Variants in MCF2L observed in about 807,000 individuals in gnomAD.
MCF2L encodes guanine nucleotide exchange factor DBS.
A neutral mutation model predicts 153.4 loss-of-function variants in MCF2L; 97 were observed. The ratio of observed to expected loss-of-function variants is 0.63; its 90% CI spans 0.54 to 0.75. The LOEUF is 0.75. Among genes scored for constraint, MCF2L ranks in the 30% least tolerant of loss-of-function variants. The pLI is 0.00. For synonymous variants in MCF2L, 659 were observed against 632.2 expected, an observed-to-expected ratio of 1.04 and a Z score of -0.64; for missense variants, 1,347 against 1,495.2, an observed-to-expected ratio of 0.90 and a Z score of 1.64.
chr13:112,917,940 C>T (rs2081312297), intron 2 of MCF2L, among the ~76,000 whole-genome samples: 1 of 152,234 alleles, frequency 6.6e-6, no homozygotes, highest in Non-Finnish European at 1.5e-5. Context: ...CCTTTCAGGA[C>T]ACCTTCAGGG....
rs375178866 is a variant in MCF2L, at chr13:113,046,523, C to T, written c.369+1162C>T. 8 of 528,736 alleles carry T rather than the reference C, an allele frequency of 1.5e-5. No individual in the cohort carries two copies. Among genetic ancestry groups the T allele is most frequent in the Admixed American group, 3.9e-5 (2 of 50,904 alleles). The allele number at this position is 528,736 out of a possible 1,614,324, so 32.8% of individuals were successfully genotyped here. On this transcript the variant is annotated intron_variant, in intron 4 of 29. Transcript: ENST00000535094. This position sits in a 1 kb window ranked among gnomAD's most constrained non-coding sequence, Gnocchi z 4.4. ...GCCTCTCGGTGGCTGCTGGCTGGTG[C>T]GCCAAGGTTTGAGGTATACTGAAAA...
chr13:113,013,478 AGG>A (rs1237969808), intron 1 of MCF2L, among the ~76,000 whole-genome samples: 1 of 152,154 alleles, frequency 6.6e-6, no homozygotes, highest in African/African-American at 2.4e-5. Context: ...ACGGCCCAGG[AGG>A]GGCCCCTTTG....
At chr13:112,996,694 G>A (rs143181150) in intron 1 of MCF2L, among the ~76,000 whole-genome samples, 4 of 152,322 alleles carry the variant, frequency 2.6e-5, no homozygotes, top group East Asian at 1.9e-4. Context: ...CGAGACTGTC[G>A]TCCTCAGATG....
chr13:112,976,187 T>TGC (rs1346533160), intron 1 of MCF2L, among the ~76,000 whole-genome samples: 3,941 of 139,914 alleles, frequency 0.028, 197 homozygotes, highest in African/African-American at 0.094. Flanking sequence ...TGTGTGTGTG[T>TGC]GTGCGTGTGT....
At chr13:112,899,238 T>C (rs9577398) in intron 1 of MCF2L, among the ~76,000 whole-genome samples, 3,278 of 152,290 alleles carry the variant, frequency 0.022, 71 homozygotes, top group East Asian at 0.075. Flanking sequence ...TGTGTGTGTG[T>C]GCGAGGCGCC....
chr13:112,979,513 T>G (rs2082326134), intron 1 of MCF2L: 3 of 1,468,976 alleles, frequency 2.0e-6, no homozygotes, highest in Non-Finnish European at 1.8e-6. Flanking sequence ...CCTGAGCACC[T>G]GTCTCTTGTG....
At position 112,969,598 on chromosome 13, in the gene MCF2L, G is replaced by A; in HGVS notation, c.79+140G>A. On this transcript the variant is annotated intron_variant, in intron 1 of 29. Transcript: ENST00000535094. The surrounding 1 kb of genome is among the most constrained non-coding windows in gnomAD (Gnocchi z 4.8). ...GGTAGCTGTGACATGGGGGGCACTG[G>A]TTGGCAGCTGGTGTGTTTTCAGAGG... 5 of 1,441,882 alleles carry A rather than the reference G, an allele frequency of 3.5e-6. 1 individual carries two copies. The South Asian group carries it at 5.5e-5, about 16-fold the overall frequency. The allele number at this position is 1,441,882 out of a possible 1,614,324, so 89.3% of individuals were successfully genotyped here.
chr13:112,923,076 G>A (rs2081368365), intron 2 of MCF2L, among the ~76,000 whole-genome samples: 1 of 152,076 alleles, frequency 6.6e-6, no homozygotes, highest in Non-Finnish European at 1.5e-5. Flanking sequence ...ACAATGGCAA[G>A]GGTAGCACAA....
At position 113,060,648 on chromosome 13, in the gene MCF2L, T is replaced by C. The variant is rs2031241434; in HGVS notation, c.425T>C (p.Phe142Ser). The C allele has an allele frequency of 6.2e-7, 1 of 1,613,736 alleles. No individual in the cohort carries two copies. Among genetic ancestry groups the C allele is most frequent in the African/African-American group, 1.3e-5 (1 of 75,042 alleles). Residue 142 changes from phenylalanine (F) to serine (S), a missense_variant, in exon 5 of 30, where the codon TTC (phenylalanine) becomes TCC (serine). Around this residue, in one of 3 missense-constraint regions of MCF2L, gnomAD observed 820 missense variants for 921.2 expected, o/e 0.89. Transcript: ENST00000535094. ...CTCGTGCTTCGCCCGACGGGTTTTT[T>C]CCAAAGGACTCTCTCCGACATCGCT... ...LVLVLRPTGF[F>S]QRTLSDIAFK...
intron 5 of MCF2L, 65 bp downstream of exon 5, chr13:113,060,777 G>C (rs1350448843): frequency 6.3e-7 from 1 of 1,584,560 alleles, no homozygotes; most frequent in African/African-American, 1.3e-5. Flanking sequence ...TGGCCCATCT[G>C]TGATCATCGA....
chr13:113,086,083 C>T, intron 20 of MCF2L, 41 bp from the exon 21 acceptor site: 1 of 1,580,774 alleles, frequency 6.3e-7, no homozygotes, highest in Non-Finnish European at 8.6e-7. Flanking sequence ...AGCCAGGGCT[C>T]TCCGTGTCCC....
intron 1 of MCF2L, among the ~76,000 whole-genome samples, chr13:112,898,896 C>A (rs1452079228): frequency 1.3e-5 from 2 of 152,204 alleles, no homozygotes; most frequent in South Asian, 2.1e-4. Flanking sequence ...CTTCTCGCCA[C>A]CTGCTTCAGG....
rs2085392168 is a variant in MCF2L, at chr13:113,027,614, C to G, written c.278+2856C>G. ...CTGAGCTGAGTGCACGGAGGAGGGG[C>G]TGGGTCTCGGGCCGAGCGGCCGAGC... On this transcript the variant is annotated intron_variant, in intron 3 of 29. Transcript: ENST00000535094. This position sits in a 1 kb window ranked among gnomAD's most constrained non-coding sequence, Gnocchi z 4.8. Among the ~76,000 whole-genome samples, 2 of 152,172 alleles carry G rather than the reference C, an allele frequency of 1.3e-5. No homozygotes were observed. The highest frequency in any genetic ancestry group is 4.8e-5 in the African/African-American group (2 of 41,450).
At chr13:113,050,400 C>A (rs971849941) in intron 4 of MCF2L, among the ~76,000 whole-genome samples, 24 of 151,582 alleles carry the variant, frequency 1.6e-4, no homozygotes, top group Non-Finnish European at 3.4e-4. Context: ...AAATCTAGAT[C>A]CTCAAGTAGG....
chr13:112,972,964 G>C (rs1464819632), intron 1 of MCF2L, among the ~76,000 whole-genome samples: 1 of 151,616 alleles, frequency 6.6e-6, no homozygotes, highest in Non-Finnish European at 1.5e-5. Flanking sequence ...AGGGGCTTTG[G>C]GGGATGAGGG....
At chr13:112,998,901 C>T (rs773792986) in intron 1 of MCF2L, among the ~76,000 whole-genome samples, 1 of 152,214 alleles carries the variant, frequency 6.6e-6, no homozygotes, top group African/African-American at 2.4e-5. Flanking sequence ...TTGGCCTTGA[C>T]TTGGTCAGCA....
At chr13:113,050,280 G>GAGTGTGTA (rs1030823703) in intron 4 of MCF2L, among the ~76,000 whole-genome samples, 15 of 150,938 alleles carry the variant, frequency 9.9e-5, no homozygotes, top group Non-Finnish European at 1.9e-4. Context: ...GTGAGACTGT[G>GAGTGTGTA]AGTGTGAGAG....
At chr13:113,062,430 GC>G (rs1211806247) in intron 5 of MCF2L, among the ~76,000 whole-genome samples, 1 of 152,070 alleles carries the variant, frequency 6.6e-6, no homozygotes, top group East Asian at 1.9e-4. Flanking sequence ...ATAACTCCGT[GC>G]GCCCTCCTTC....
intron 21 of MCF2L, 146 bp from the exon 22 acceptor site, chr13:113,087,089 C>A: frequency 1.5e-6 from 1 of 661,770 alleles, no homozygotes; most frequent in South Asian, 1.9e-5. Context: ...CTGTCAGTCT[C>A]CACGAGCTTG....
Sources: allele counts gnomAD v4.1 joint callset (sites outside exome capture counted in the v4.1 genomes callset), GRCh38; gene constraint gnomAD v4.1.1; regional missense constraint gnomAD v4.1.1; non-coding constraint Gnocchi (gnomAD v3.1); transcripts MANE v1.5; gene names NCBI Gene and HGNC (gene_info 2026-07-23, HGNC 2026-07-21).